The following DACH1 variants were observed in gnomAD, a reference collection of about 807,000 sequenced individuals.
The protein encoded by DACH1 is dachshund family transcription factor 1, also known as dachshund homolog 1.
In DACH1, 12 loss-of-function variants were observed where a neutral mutation model predicts 54.2. That is an observed-to-expected ratio of 0.22 (90% confidence interval 0.14 to 0.36). The LOEUF is 0.36. DACH1 is among the 10% of genes least tolerant of loss of function. DACH1 has a pLI of 1.00. For synonymous variants in DACH1, 386 were observed against 366.2 expected, an observed-to-expected ratio of 1.05 and a Z score of -0.62; for missense variants, 805 against 929.8, an observed-to-expected ratio of 0.87 and a Z score of 1.75.
intron 1 of DACH1, among the ~76,000 whole-genome samples, chr13:71,777,068 T>C (rs572853282): frequency 1.3e-5 from 2 of 152,214 alleles, no homozygotes; most frequent in Non-Finnish European, 2.9e-5. Context: ...TAATTCCTGT[T>C]ATCAAATATA....
intron 2 of DACH1, among the ~76,000 whole-genome samples, chr13:71,676,134 T>C (rs1336418303): frequency 6.6e-6 from 1 of 151,232 alleles, no homozygotes; most frequent in Non-Finnish European, 1.5e-5. Flanking sequence ...GTTTTATACT[T>C]GTGCATTTTT....
intron 1 of DACH1, among the ~76,000 whole-genome samples, chr13:71,772,681 A>G (rs1427792193): frequency 3.3e-5 from 5 of 151,792 alleles, no homozygotes; most frequent in Admixed American, 6.6e-5. Flanking sequence ...TCAAAGTGAC[A>G]TCTCTTAAAC....
At chr13:71,486,203 A>T (rs1284072207) in intron 7 of DACH1, among the ~76,000 whole-genome samples, 1 of 151,990 alleles carries the variant, frequency 6.6e-6, no homozygotes, top group Non-Finnish European at 1.5e-5. Context: ...ATAACACTTT[A>T]TGAAAACACG....
chr13:71,651,369 CAA>C (rs536561575), intron 2 of DACH1, among the ~76,000 whole-genome samples: 4 of 69,770 alleles, frequency 5.7e-5, no homozygotes, highest in Non-Finnish European at 6.5e-5. Flanking sequence ...CCCTGTCTCA[CAA>C]AAAAAAAAAA....
chr13:71,861,753 C>G (rs1341186150), intron 1 of DACH1, among the ~76,000 whole-genome samples: 1 of 151,576 alleles, frequency 6.6e-6, no homozygotes, highest in African/African-American at 2.4e-5. Flanking sequence ...TTCTCTGTGC[C>G]AAGTATTGTA....
At chr13:71,763,263 A>G (rs558361099) in intron 1 of DACH1, among the ~76,000 whole-genome samples, 2 of 152,344 alleles carry the variant, frequency 1.3e-5, no homozygotes, top group South Asian at 2.1e-4. Flanking sequence ...TCAGGTTTAT[A>G]TCATTGGTCA....
rs57138100 is a variant in DACH1 at position 71,651,680 on chromosome 13, C to CTGTATATGTATA, written c.965-20975_965-20964dup. ...TATGTATCTGTATCTGTATCTGTAT[C>CTGTATATGTATA]TGTATATGTATATGTATATGTATAT... On this transcript the variant is annotated intron_variant, in intron 2 of 10. Transcript: ENST00000613252. 3.1e-3 allele frequency among the ~76,000 whole-genome samples: 373 copies of CTGTATATGTATA among 121,840 alleles called. 2 individuals carry two copies. In the East Asian group the frequency reaches 0.048, roughly 16 times the overall value. The allele number at this position is 121,840 out of a possible 152,430, so 79.9% of individuals were successfully genotyped here.
intron 1 of DACH1, among the ~76,000 whole-genome samples, chr13:71,754,722 A>G (rs1885070522): frequency 6.6e-6 from 1 of 152,022 alleles, no homozygotes; most frequent in African/African-American, 2.4e-5. Context: ...GCCAAATTAT[A>G]TCTTTTAGAC....
chr13:71,579,719 G>A (rs1218414797), intron 3 of DACH1, among the ~76,000 whole-genome samples: 1 of 152,012 alleles, frequency 6.6e-6, no homozygotes, highest in African/African-American at 2.4e-5. Context: ...ATTTCAGAAA[G>A]TTTTGATGCA....
chr13:71,615,335 C>T (rs1384583836), intron 3 of DACH1, among the ~76,000 whole-genome samples: 1 of 152,114 alleles, frequency 6.6e-6, no homozygotes, highest in Non-Finnish European at 1.5e-5. Context: ...ATGTTAATGA[C>T]CACTGTTCTT....
At chr13:71,629,525 T>C (rs886938965) in intron 3 of DACH1, among the ~76,000 whole-genome samples, 1 of 152,194 alleles carries the variant, frequency 6.6e-6, no homozygotes, top group Non-Finnish European at 1.5e-5. Flanking sequence ...TCTGTGTATG[T>C]TTCCAGACAG....
At chr13:71,863,922 G>T (rs749027802) in intron 1 of DACH1, among the ~76,000 whole-genome samples, 55 of 151,294 alleles carry the variant, frequency 3.6e-4, no homozygotes, top group Non-Finnish European at 7.2e-4. Context: ...CCAATTTACT[G>T]GATAGGCAGA....
chr13:71,628,579 G>A (rs1267277856), intron 3 of DACH1, among the ~76,000 whole-genome samples: 1 of 151,846 alleles, frequency 6.6e-6, no homozygotes, highest in Non-Finnish European at 1.5e-5. Context: ...GATGGGGGGT[G>A]TCAAAACTAA....
At chr13:71,632,025 GA>G (rs1462719368) in intron 2 of DACH1, among the ~76,000 whole-genome samples, 1 of 152,010 alleles carries the variant, frequency 6.6e-6, no homozygotes, top group Non-Finnish European at 1.5e-5. Flanking sequence ...TTGAGCCTAG[GA>G]GGTTGAGGCT....
At chr13:71,496,508 G>A (rs913548256) in intron 6 of DACH1, among the ~76,000 whole-genome samples, 2 of 151,610 alleles carry the variant, frequency 1.3e-5, no homozygotes, top group Non-Finnish European at 1.5e-5. Flanking sequence ...TGGGAGCTAA[G>A]TAATGTGTAC....
intron 1 of DACH1, among the ~76,000 whole-genome samples, chr13:71,832,543 C>T (rs1888632430): frequency 6.6e-6 from 1 of 151,776 alleles, no homozygotes; most frequent in Non-Finnish European, 1.5e-5. Flanking sequence ...CAAAAAATGG[C>T]TGTAGATGAC....
rs570509513 is a variant in DACH1, at chr13:71,461,813, T to C, written c.2083+13328A>G. The stretch of plus-strand genomic sequence containing the variant: ...GAACAAGAGAGGCCTAAAACTATAT[T>C]AACCAGTATAAACCACTAAGAAAAT... On this transcript the variant is annotated intron_variant, in intron 10 of 10. Coordinates refer to ENST00000613252, the MANE Select transcript of DACH1 (RefSeq NM_080759.6). 2.6e-5 allele frequency among the ~76,000 whole-genome samples: 4 copies of C among 152,090 alleles called. No homozygotes were observed. In the South Asian group the frequency reaches 8.3e-4, roughly 32 times the overall value.
intron 2 of DACH1, among the ~76,000 whole-genome samples, chr13:71,679,050 A>G (rs573721298): frequency 3.9e-5 from 6 of 152,208 alleles, no homozygotes; most frequent in African/African-American, 7.2e-5. Flanking sequence ...TCTTTTTTCG[A>G]TATAATGCTT....
At chr13:71,743,358 A>G (rs1234755983) in intron 1 of DACH1, among the ~76,000 whole-genome samples, 1 of 152,198 alleles carries the variant, frequency 6.6e-6, no homozygotes, top group Non-Finnish European at 1.5e-5. Context: ...AGTATATTTG[A>G]GAAATAGTGA....
Sources: gnomAD v4.1 joint callset for allele counts (sites outside exome capture counted in the v4.1 genomes callset) on GRCh38, gnomAD v4.1.1 for gene constraint, MANE v1.5 for transcripts, NCBI Gene and HGNC (gene_info 2026-07-23, HGNC 2026-07-21) for gene names.